The following MCPH1 variants were observed in gnomAD, a reference collection of about 807,000 sequenced individuals.
MCPH1 encodes the protein microcephalin.
A neutral mutation model predicts 84.5 loss-of-function variants in MCPH1; 104 were observed. The observed-to-expected ratio is 1.23, with a 90% confidence interval of 1.05 to 1.45. The LOEUF (loss-of-function observed/expected upper bound fraction) is 1.45, where lower values mean the gene tolerates loss of function less well. Among genes scored for constraint, MCPH1 ranks in the 40% most tolerant of loss-of-function variants. The pLI, the probability that MCPH1 is intolerant of heterozygous loss-of-function variation, is 0.00. For synonymous variants in MCPH1, 514 were observed against 366.8 expected (o/e 1.40, Z -4.58); for missense variants, 1,498 against 1,005.7 (o/e 1.49, Z -6.62).
At chr8:6,638,832 A>G (rs1307771718) in intron 13 of MCPH1, among the ~76,000 whole-genome samples, 1 of 152,124 alleles carries the variant, frequency 6.6e-6, no homozygotes, top group East Asian at 1.9e-4. Context: ...TACAGTTAGG[A>G]ACGTGGGGCT....
At chr8:6,543,623 C>T (rs1228321888) in intron 12 of MCPH1, among the ~76,000 whole-genome samples, 1 of 152,162 alleles carries the variant, frequency 6.6e-6, no homozygotes, top group Non-Finnish European at 1.5e-5. Context: ...TTTTTGTGTT[C>T]ATAAAGCTGT....
In MCPH1 at chr8:6,513,317, T is replaced by C. The variant is rs146107097; in HGVS notation, c.2214+13388T>C. On this transcript the variant is annotated intron_variant, in intron 12 of 13. Coordinates refer to ENST00000344683, the MANE Select transcript of MCPH1 (RefSeq NM_024596.5). ...GTCACCCAGCAAACCTTTTAATTTT[T>C]TTTTTCTTTTTCTTTTTCTTTTTTT... Among the ~76,000 whole-genome samples, 1,428 of 152,114 alleles carry C rather than the reference T, an allele frequency of 9.4e-3. 22 individuals carry two copies. Among genetic ancestry groups the C allele is most frequent in the African/African-American group, 0.032 (1,343 of 41,530 alleles).
chr8:6,477,593 G>C lies in MCPH1; in HGVS notation c.1936-1G>C. The C allele has an allele frequency of 6.2e-6, 10 of 1,612,170 alleles. No homozygotes were observed. The highest frequency in any genetic ancestry group is 8.5e-6 in the Non-Finnish European group (10 of 1,178,846). The stretch of plus-strand genomic sequence containing the variant: ...TGTTCCTTCTTGTTTGAAATCTCTA[G>C]CCAACAAGAACATTAGTCATGACAA... On this transcript the variant is annotated splice_acceptor_variant, in intron 9 of 13. Coordinates refer to ENST00000344683, the MANE Select transcript of MCPH1 (RefSeq NM_024596.5). LOFTEE classifies it high-confidence loss of function.
At chr8:6,524,603 T>G (rs1817987156) in intron 12 of MCPH1, among the ~76,000 whole-genome samples, 1 of 152,218 alleles carries the variant, frequency 6.6e-6, no homozygotes, top group Non-Finnish European at 1.5e-5. Context: ...ACCTACCATG[T>G]ACGAGGTGTT....
Position 6,509,134 on chromosome 8 carries a change from A to C in MCPH1, c.2214+9205A>C. 2.6e-6 allele frequency: 4 copies of C among 1,558,076 alleles called. No homozygotes were observed. The South Asian group carries it at 4.8e-5, about 19-fold the overall frequency. ...TTACCGTAGTGGCAAATTTTTTGTG[A>C]TGAAGAATTCCATTCTACAGAAGCG... is the stretch of plus-strand genomic sequence containing the variant. On this transcript the variant is annotated intron_variant, in intron 12 of 13. Coordinates refer to ENST00000344683, the MANE Select transcript of MCPH1 (RefSeq NM_024596.5).
intron 12 of MCPH1, among the ~76,000 whole-genome samples, chr8:6,587,062 C>T (rs1033204262): frequency 3.3e-5 from 5 of 151,990 alleles, no homozygotes; most frequent in Admixed American, 6.6e-5. Context: ...TTCCACTTCT[C>T]GGTGTTGGAA....
intron 12 of MCPH1, among the ~76,000 whole-genome samples, chr8:6,514,477 G>A (rs963166933): frequency 5.9e-4 from 90 of 152,284 alleles, no homozygotes; most frequent in African/African-American, 2.1e-3. Flanking sequence ...GCGTGAGCCA[G>A]CACGTCTGGC....
intron 2 of MCPH1, among the ~76,000 whole-genome samples, chr8:6,413,955 A>T (rs1272100707): frequency 1.3e-5 from 2 of 152,052 alleles, no homozygotes; most frequent in African/African-American, 4.8e-5. Flanking sequence ...GGGTTTTTCC[A>T]TGTTGGCCAG....
chr8:6,631,581 C>G (rs1343784227), intron 13 of MCPH1, among the ~76,000 whole-genome samples: 2 of 151,244 alleles, frequency 1.3e-5, no homozygotes, highest in Non-Finnish European at 2.9e-5. Context: ...CATTACTAAT[C>G]ATTAGGAAGA....
At chr8:6,424,310 T>TA (rs1444129590) in intron 3 of MCPH1, among the ~76,000 whole-genome samples, 1 of 152,242 alleles carries the variant, frequency 6.6e-6, no homozygotes, top group East Asian at 1.9e-4. Flanking sequence ...AGGTGGGGAA[T>TA]ACGGTTCACA....
rs971163439 is a variant in MCPH1 at position 6,542,465 on chromosome 8, G to A, written c.2214+42536G>A. ...AGGCTTTAGACCCTGTAATATTGTC[G>A]GAGTGTCACTGTAAGAGGGACGCTA... On this transcript the variant is annotated intron_variant, in intron 12 of 13. Transcript: ENST00000344683. 4.6e-5 allele frequency among the ~76,000 whole-genome samples: 7 copies of A among 152,046 alleles called. 1 individual carries two copies. The South Asian group carries it at 1.2e-3, about 27-fold the overall frequency.
chr8:6,544,175 C>G (rs548170850), intron 12 of MCPH1, among the ~76,000 whole-genome samples: 1 of 152,162 alleles, frequency 6.6e-6, no homozygotes, highest in African/African-American at 2.4e-5. Context: ...GTAACAAGTA[C>G]GAATCAACAT....
At chr8:6,521,106 T>G in intron 12 of MCPH1, 1 of 1,245,794 alleles carries the variant, frequency 8.0e-7, no homozygotes, top group Non-Finnish European at 1.1e-6. Flanking sequence ...AAGGTGAGAA[T>G]TTTTTAGTCT....
At chr8:6,502,037 A>C (rs958345171) in intron 12 of MCPH1, 2 of 151,748 alleles carry the variant, frequency 1.3e-5, no homozygotes, top group African/African-American at 4.8e-5. Flanking sequence ...AGCTTTGTAA[A>C]TTTCTTAAAT....
At chr8:6,449,236 C>T (rs940514133) in intron 8 of MCPH1, among the ~76,000 whole-genome samples, 1 of 152,202 alleles carries the variant, frequency 6.6e-6, no homozygotes, top group Non-Finnish European at 1.5e-5. Context: ...TTAGATTCTT[C>T]TCTCGATGCC....
intron 12 of MCPH1, among the ~76,000 whole-genome samples, chr8:6,574,919 C>G (rs925796128): frequency 6.6e-6 from 1 of 152,012 alleles, no homozygotes; most frequent in Admixed American, 6.6e-5. Flanking sequence ...GTTACAGATT[C>G]GAAAAACGGC....
intron 13 of MCPH1, among the ~76,000 whole-genome samples, chr8:6,628,748 G>A (rs1712712735): frequency 1.3e-5 from 2 of 152,212 alleles, no homozygotes; most frequent in South Asian, 4.1e-4. Flanking sequence ...ATGCCCAAGT[G>A]TGTCACAGCT....
chr8:6,460,436 G>C (rs772102191), intron 9 of MCPH1, among the ~76,000 whole-genome samples: 18 of 151,854 alleles, frequency 1.2e-4, no homozygotes, highest in African/African-American at 4.3e-4. Context: ...GGCTGGTCTC[G>C]AACGCCTGGT....
intron 12 of MCPH1, 150 bp downstream of exon 12, chr8:6,500,079 C>T (rs1187893598): frequency 2.0e-5 from 14 of 701,514 alleles, no homozygotes; most frequent in Non-Finnish European, 2.8e-5. Flanking sequence ...CACCTTTTAT[C>T]AATTTATTCG....
Sources: gnomAD v4.1 joint callset for allele counts (sites outside exome capture counted in the v4.1 genomes callset) on GRCh38, gnomAD v4.1.1 for gene constraint, MANE v1.5 for transcripts, NCBI Gene and HGNC (gene_info 2026-07-23, HGNC 2026-07-21) for gene names.